The following RANBP2 variants were observed in gnomAD, a reference collection of about 807,000 sequenced individuals.
The protein encoded by RANBP2 is E3 SUMO-protein ligase RanBP2.
A neutral mutation model predicts 303.6 loss-of-function variants in RANBP2; 57 were observed. The ratio of observed to expected loss-of-function variants is 0.19; its 90% CI spans 0.15 to 0.23. The LOEUF is 0.23. Ranked by LOEUF, RANBP2 falls within the 10% of genes least tolerant of loss-of-function variation. RANBP2 has a pLI of 1.00. For missense variants in RANBP2, 3,138 were observed against 3,780.8 expected, an observed-to-expected ratio of 0.83 and a Z score of 4.46; for synonymous variants, 1,167 against 1,301.5, an observed-to-expected ratio of 0.90 and a Z score of 2.23.
At chr2:108,823,498 T>C in the RANBP2 span, among the ~76,000 whole-genome samples, 1 of 152,206 alleles carries the variant, frequency 6.6e-6, no homozygotes. Flanking sequence ...GTAGAGTGTA[T>C]TTACATAACC....
the RANBP2 span, among the ~76,000 whole-genome samples, chr2:109,453,343 G>T: frequency 7.3e-6 from 1 of 136,106 alleles, no homozygotes; most frequent in African/African-American, 3.7e-5. Context: ...GTTTTAAAAG[G>T]TGGTCTTCAG....
At chr2:109,103,673 A>G in the RANBP2 span, among the ~76,000 whole-genome samples, 1 of 152,250 alleles carries the variant, frequency 6.6e-6, no homozygotes, top group Admixed American at 6.5e-5. Flanking sequence ...GGCAATAAAT[A>G]GCAAATGTTT....
downstream of RANBP2, chr2:108,786,870 G>C (rs908975955): frequency 1.3e-6 from 2 of 1,584,170 alleles, no homozygotes; most frequent in East Asian, 4.8e-5. Flanking sequence ...TAGTAGTGGA[G>C]AGTCTCAAAA....
the RANBP2 span, among the ~76,000 whole-genome samples, chr2:109,727,266 C>CAG: frequency 6.6e-6 from 1 of 152,164 alleles, no homozygotes; most frequent in Non-Finnish European, 1.5e-5. Flanking sequence ...TACCCCATAT[C>CAG]TTACTTGATA....
chr2:109,450,612 G>A, the RANBP2 span, among the ~76,000 whole-genome samples: 1 of 152,066 alleles, frequency 6.6e-6, no homozygotes, highest in Non-Finnish European at 1.5e-5. Flanking sequence ...GAATATTATT[G>A]TTTCAACATG....
chr2:109,106,786 A>G, the RANBP2 span, among the ~76,000 whole-genome samples: 2 of 151,784 alleles, frequency 1.3e-5, no homozygotes, highest in Non-Finnish European at 2.9e-5. Flanking sequence ...GCAGTGAGCC[A>G]AGATCGCACC....
At chr2:109,058,667 G>GT in the RANBP2 span, among the ~76,000 whole-genome samples, 1 of 152,260 alleles carries the variant, frequency 6.6e-6, no homozygotes, top group African/African-American at 2.4e-5. Context: ...GAAACGTCCT[G>GT]TAAGGAGTTG....
chr2:109,524,469 A>AAAAAAAAAAAAC, the RANBP2 span, among the ~76,000 whole-genome samples: 16 of 80,876 alleles, frequency 2.0e-4, no homozygotes, highest in African/African-American at 6.2e-4. Flanking sequence ...AAAAAAAACA[A>AAAAAAAAAAAAC]AACAACACTG....
the RANBP2 span, among the ~76,000 whole-genome samples, chr2:109,304,914 A>G: frequency 6.6e-6 from 1 of 152,176 alleles, no homozygotes; most frequent in African/African-American, 2.4e-5. Flanking sequence ...TGCCAGAGTG[A>G]AAACTGCTCG....
chr2:109,420,845 T>A, the RANBP2 span, among the ~76,000 whole-genome samples: 2 of 152,192 alleles, frequency 1.3e-5, no homozygotes, highest in Non-Finnish European at 2.9e-5. Flanking sequence ...CTCACCCACC[T>A]CTAAGCCCAG....
chr2:109,614,724 C>T, the RANBP2 span: 1 of 1,488,808 alleles, frequency 6.7e-7, no homozygotes, highest in Admixed American at 2.2e-5. Flanking sequence ...GTACGTGCAC[C>T]TCAAGAAGAG....
chr2:109,362,223 C>T, the RANBP2 span, among the ~76,000 whole-genome samples: 1 of 152,170 alleles, frequency 6.6e-6, no homozygotes, highest in Non-Finnish European at 1.5e-5. Flanking sequence ...CCTGTAGGTG[C>T]TACTTTTGCG....
the RANBP2 span, among the ~76,000 whole-genome samples, chr2:109,445,012 A>C: frequency 6.6e-6 from 1 of 152,214 alleles, no homozygotes. Flanking sequence ...AAAAAGAACC[A>C]ATTTGAAATT....
the RANBP2 span, among the ~76,000 whole-genome samples, chr2:109,470,034 C>T: frequency 2.0e-5 from 3 of 152,158 alleles, no homozygotes; most frequent in East Asian, 3.9e-4. Context: ...ACTCTTCGTG[C>T]GTCCTGTCTG....
the RANBP2 span, among the ~76,000 whole-genome samples, chr2:109,554,436 T>C: frequency 6.6e-6 from 1 of 152,186 alleles, no homozygotes; most frequent in Non-Finnish European, 1.5e-5. Flanking sequence ...TTCAGGGTCA[T>C]GGGTGGCTGG....
intron 17 of RANBP2, 45 bp from the exon 18 acceptor site, chr2:108,758,368 A>G (rs1478250038): frequency 6.2e-7 from 1 of 1,610,160 alleles, no homozygotes; most frequent in Non-Finnish European, 8.5e-7. Flanking sequence ...CTGTCATGAT[A>G]TAATTAAATG....
In RANBP2 at chr2:108,772,945, C is replaced by T. The variant is rs1431584387; in HGVS notation, c.8191C>T (p.Leu2731Phe). The T allele has an allele frequency of 1.2e-6, 2 of 1,613,924 alleles. No homozygotes were observed. Among genetic ancestry groups the T allele is most frequent in the African/African-American group, 2.7e-5 (2 of 74,908 alleles). The part of the protein sequence containing the change: ...EEKAKADTLK[L>F]PPTFFCGVCS... ...GAAGGCAAAAGCAGATACGTTAAAACTTCCACCTACATTTTTTTGTGGAGT... is the reference window on the plus strand; with the variant it reads ...GAAGGCAAAAGCAGATACGTTAAAATTTCCACCTACATTTTTTTGTGGAGT... The change falls in exon 23 of 29, where the codon CTT becomes TTT. Residue 2731 changes from leucine to phenylalanine, a missense_variant. Around this residue, in one of 20 missense-constraint regions of RANBP2, gnomAD observed 497 missense variants for 465.8 expected, o/e 1.07. Coordinates refer to ENST00000283195, the MANE Select transcript of RANBP2 (RefSeq NM_006267.5).
At chr2:109,383,812 G>T in the RANBP2 span, among the ~76,000 whole-genome samples, 14 of 152,172 alleles carry the variant, frequency 9.2e-5, no homozygotes, top group African/African-American at 2.7e-4. Context: ...GACATCAGCC[G>T]CATTTTCCAG....
chr2:109,091,514 A>G, the RANBP2 span, among the ~76,000 whole-genome samples: 1 of 152,222 alleles, frequency 6.6e-6, no homozygotes, highest in African/African-American at 2.4e-5. Context: ...CTCTGCGTGC[A>G]TTACTCTTTC....
Sources: gnomAD v4.1 joint callset for allele counts (sites outside exome capture counted in the v4.1 genomes callset) on GRCh38, gnomAD v4.1.1 for gene constraint, gnomAD v4.1.1 regional missense constraint, MANE v1.5 for transcripts, NCBI Gene and HGNC (gene_info 2026-07-23, HGNC 2026-07-21) for gene names.